The following BCAS3 variants were observed in gnomAD, a reference collection of about 807,000 sequenced individuals.
BCAS3 encodes the protein BCAS3 microtubule associated cell migration factor.
Under a neutral mutation model 116.1 loss-of-function variants are expected in BCAS3, and 53 were observed. That is an observed-to-expected ratio of 0.46 (90% CI 0.37 to 0.57). The LOEUF is 0.57. BCAS3 is among the 20% of genes least tolerant of loss of function. The pLI, the probability that BCAS3 is intolerant of heterozygous loss-of-function variation, is 0.00. For missense variants in BCAS3, 917 were observed against 1,165.4 expected, an observed-to-expected ratio of 0.79 and a Z score of 3.10; for synonymous variants, 391 against 408.2, an observed-to-expected ratio of 0.96 and a Z score of 0.51.
chr17:60,975,003 T>A (rs538797489), intron 14 of BCAS3, among the ~76,000 whole-genome samples: 1 of 150,044 alleles, frequency 6.7e-6, no homozygotes, highest in East Asian at 1.9e-4. Context: ...TTTTTTGTTT[T>A]TTTTTTTTTG....
intron 22 of BCAS3, among the ~76,000 whole-genome samples, chr17:61,090,733 C>T (rs1334003388): frequency 6.6e-6 from 1 of 152,114 alleles, no homozygotes; most frequent in Non-Finnish European, 1.5e-5. Context: ...TCTTGGCTCA[C>T]TGCAACCTCT....
At chr17:61,191,726 G>T (rs1407133285) in intron 22 of BCAS3, among the ~76,000 whole-genome samples, 1 of 150,376 alleles carries the variant, frequency 6.6e-6, no homozygotes, top group Non-Finnish European at 1.5e-5. Flanking sequence ...TGTGAGCCGA[G>T]ATCGCACCAT....
chr17:60,933,199 A>T (rs1241546516), intron 13 of BCAS3, among the ~76,000 whole-genome samples: 1 of 152,192 alleles, frequency 6.6e-6, no homozygotes, highest in Non-Finnish European at 1.5e-5. Context: ...CATGGAAATG[A>T]CATTTTTATG....
chr17:61,165,295 C>T (rs890608611), intron 22 of BCAS3, among the ~76,000 whole-genome samples: 1 of 152,202 alleles, frequency 6.6e-6, no homozygotes, highest in Non-Finnish European at 1.5e-5. Flanking sequence ...TAAAAGGGTA[C>T]TTAACCTTAG....
rs1265600659 is a variant in BCAS3, at chr17:61,388,411, G to A, written c.2594-3566G>A. ...GGTCTTGGCCCCCTCTGTCACAGCA[G>A]ATCCATCTCTGGGACCCCCAAGACA... is the stretch of plus-strand genomic sequence containing the variant. On this transcript the variant is annotated intron_variant, in intron 23 of 23. Coordinates refer to ENST00000407086, the MANE Select transcript of BCAS3 (RefSeq NM_017679.5). The surrounding 1 kb of genome is among the most constrained non-coding windows in gnomAD (Gnocchi z 6.5). The A allele has an allele frequency of 7.6e-6, 4 of 528,090 alleles. No homozygotes were observed. The highest frequency in any genetic ancestry group is 5.8e-5 in the African/African-American group (3 of 51,834). The allele number at this position is 528,090 out of a possible 1,614,324, so 32.7% of individuals were successfully genotyped here.
intron 23 of BCAS3, among the ~76,000 whole-genome samples, chr17:61,374,520 ACTGT>A (rs1335817099): frequency 3.9e-5 from 6 of 152,106 alleles, no homozygotes; most frequent in Non-Finnish European, 8.8e-5. Context: ...GGTCCGGGAG[ACTGT>A]CTGTTCCCCG....
chr17:60,728,840 T>G (rs1257813868), intron 5 of BCAS3, among the ~76,000 whole-genome samples: 1 of 152,210 alleles, frequency 6.6e-6, no homozygotes, highest in Non-Finnish European at 1.5e-5. Context: ...CAGGTCTATA[T>G]TTTGGTGATT....
In BCAS3 at chr17:61,228,601, AT is replaced by A. The variant is rs2082495342; in HGVS notation, c.2426-139722del. Among the ~76,000 whole-genome samples, 1 of 152,064 alleles carries A rather than the reference AT, an allele frequency of 6.6e-6. No individual in the cohort carries two copies. On this transcript the variant is annotated intron_variant, in intron 22 of 23. Transcript: ENST00000407086. This position sits in a 1 kb window ranked among gnomAD's most constrained non-coding sequence, Gnocchi z 5.0. ...CCAGCTTTCAAACTTTTGCATTATT[AT>A]TTTATCTGTGGTCAGTGATCTTTGA...
intron 7 of BCAS3, chr17:60,810,995 A>G: frequency 1.5e-6 from 1 of 665,394 alleles, no homozygotes; most frequent in Non-Finnish European, 2.8e-6. Context: ...CAGATTGAAG[A>G]GAGCACCACA....
intron 13 of BCAS3, among the ~76,000 whole-genome samples, chr17:60,943,138 A>G (rs2060309570): frequency 6.6e-6 from 1 of 152,186 alleles, no homozygotes; most frequent in Non-Finnish European, 1.5e-5. Context: ...ATAAAAATTG[A>G]ATATTCCAAA....
Position 61,388,987 on chromosome 17 carries a change from TTC to T in BCAS3, c.2594-2989_2594-2988del. On this transcript the variant is annotated intron_variant, in intron 23 of 23. Transcript: ENST00000407086. The surrounding 1 kb of genome is among the most constrained non-coding windows in gnomAD (Gnocchi z 6.5). Reference sequence around the variant, plus strand: ...ATTCATTCATTCATTCATTCATTCATTCATTCATTCATTCATGCTAGAAATGT... The same window carrying T: ...ATTCATTCATTCATTCATTCATTCATATTCATTCATTCATGCTAGAAATGT... The T allele has an allele frequency of 2.4e-6, 1 of 408,350 alleles. No individual in the cohort carries two copies. The highest frequency in any genetic ancestry group is 4.4e-6 in the Non-Finnish European group (1 of 227,432). 25.3% of individuals were successfully genotyped at this position (408,350 alleles called of 1,614,324 possible).
intron 22 of BCAS3, among the ~76,000 whole-genome samples, chr17:61,175,252 T>C (rs2079069974): frequency 6.6e-6 from 1 of 151,990 alleles, no homozygotes; most frequent in Non-Finnish European, 1.5e-5. Flanking sequence ...GTAAAAAATA[T>C]AAAGATTAGC....
intron 22 of BCAS3, among the ~76,000 whole-genome samples, chr17:61,340,560 G>A (rs1443639372): frequency 6.6e-6 from 1 of 152,206 alleles, no homozygotes. Flanking sequence ...TCTGGTGTGA[G>A]TGATCATCAG....
chr17:60,962,095 C>G lies in BCAS3; in HGVS notation c.1221+14743C>G, dbSNP rs1448939274. Among the ~76,000 whole-genome samples, 2 of 152,192 alleles carry G rather than the reference C, an allele frequency of 1.3e-5. No individual in the cohort carries two copies. Among genetic ancestry groups the G allele is most frequent in the East Asian group, 3.9e-4 (2 of 5,188 alleles). ...TTATTTATTCATCTGTTGATGAACT[C>G]TTAGAGTGATTCCATATTTTGGCTA... On this transcript the variant is annotated intron_variant, in intron 14 of 23. Coordinates refer to ENST00000407086, the MANE Select transcript of BCAS3 (RefSeq NM_017679.5). This position sits in a 1 kb window ranked among gnomAD's most constrained non-coding sequence, Gnocchi z 4.4.
rs559029593 is a variant in BCAS3, at chr17:60,990,171, G to T, written c.1422G>T (p.Lys474Asn). The T allele has an allele frequency of 6.2e-7, 1 of 1,614,214 alleles. No homozygotes were observed. The highest frequency in any genetic ancestry group is 1.1e-5 in the South Asian group (1 of 91,084). ...AGATTGAACAAGAACTGACGTCTAAGCAAGGAGGTCGCTGTAGCCCTGTTC... is the reference window on the plus strand; with the variant it reads ...AGATTGAACAAGAACTGACGTCTAATCAAGGAGGTCGCTGTAGCCCTGTTC... ...LEEIEQELTSKQGGRCSPVPG... is the reference protein window; with the variant it reads ...LEEIEQELTSNQGGRCSPVPG... Residue 474 changes from lysine (K) to asparagine (N), a missense_variant, in exon 15 of 24, where the codon AAG becomes AAT. Around this residue, in one of 3 missense-constraint regions of BCAS3, gnomAD observed 807 missense variants for 1,026.0 expected, o/e 0.79. Coordinates refer to ENST00000407086, the MANE Select transcript of BCAS3 (RefSeq NM_017679.5). This position sits in a 1 kb window ranked among gnomAD's most constrained non-coding sequence, Gnocchi z 5.1.
rs935894508 is a variant in BCAS3, at chr17:61,134,207, A to G, written c.2425+49643A>G. On this transcript the variant is annotated intron_variant, in intron 22 of 23. Coordinates refer to ENST00000407086, the MANE Select transcript of BCAS3 (RefSeq NM_017679.5). This position sits in a 1 kb window ranked among gnomAD's most constrained non-coding sequence, Gnocchi z 4.6. ...ACTGGAGCAATTATACATCCTAAAAAGAAAGGGAAGAAATACCATTTCGTA... is the reference window on the plus strand; with the variant it reads ...ACTGGAGCAATTATACATCCTAAAAGGAAAGGGAAGAAATACCATTTCGTA... Among the ~76,000 whole-genome samples, 2 of 152,238 alleles carry G rather than the reference A, an allele frequency of 1.3e-5. No homozygotes were observed. The highest frequency in any genetic ancestry group is 2.9e-5 in the Non-Finnish European group (2 of 68,042).
intron 12 of BCAS3, among the ~76,000 whole-genome samples, chr17:60,911,543 C>T (rs1307950859): frequency 6.6e-6 from 1 of 152,200 alleles, no homozygotes; most frequent in African/African-American, 2.4e-5. Flanking sequence ...AGTGATCTGT[C>T]CGCCTTGGCC....
At chr17:61,212,242 C>T (rs566656515) in intron 22 of BCAS3, among the ~76,000 whole-genome samples, 3 of 152,094 alleles carry the variant, frequency 2.0e-5, no homozygotes, top group South Asian at 4.2e-4. Context: ...TTTTTATTTA[C>T]GTATTTATTT....
intron 22 of BCAS3, among the ~76,000 whole-genome samples, chr17:61,152,981 C>G (rs1402602153): frequency 6.6e-6 from 1 of 152,180 alleles, no homozygotes; most frequent in African/African-American, 2.4e-5. Context: ...TTCTATCATC[C>G]TATACTAACT....
Sources: allele counts gnomAD v4.1 joint callset (sites outside exome capture counted in the v4.1 genomes callset), GRCh38; gene constraint gnomAD v4.1.1; regional missense constraint gnomAD v4.1.1; non-coding constraint Gnocchi (gnomAD v3.1); transcripts MANE v1.5; gene names NCBI Gene and HGNC (gene_info 2026-07-23, HGNC 2026-07-21).